Variants in KCNH7 observed in about 807,000 individuals in gnomAD.
KCNH7 encodes voltage-gated inwardly rectifying potassium channel KCNH7.
KCNH7 carries 49 observed loss-of-function variants against 120.8 expected under a neutral mutation model. That is an observed-to-expected ratio of 0.41 (90% CI 0.32 to 0.51). The LOEUF (loss-of-function observed/expected upper bound fraction) is 0.51, where lower values mean the gene tolerates loss of function less well. Among genes scored for constraint, KCNH7 ranks in the 20% least tolerant of loss-of-function variants. The pLI is 0.38. For synonymous variants in KCNH7, 547 were observed against 516.1 expected (o/e 1.06, Z -0.81); for missense variants, 1,097 against 1,446.6 (o/e 0.76, Z 3.92).
At chr2:162,791,002 T>C (rs917848642) in intron 2 of KCNH7, among the ~76,000 whole-genome samples, 1 of 152,134 alleles carries the variant, frequency 6.6e-6, no homozygotes, top group African/African-American at 2.4e-5. Flanking sequence ...ATAAAAAGCA[T>C]CTTCATTTGA....
In KCNH7 at chr2:162,384,700, G is replaced by A. The variant is rs1386960892; in HGVS notation, c.2950C>T (p.His984Tyr). ...AACTCTGGATTACCTTTGCAAGAGT[G>A]ACTTCTTTTATCTATGTGCATTCTT... The part of the protein sequence containing the change: ...SGRMHIDKRS[H>Y]SCKDITDMRS... The change falls in exon 13 of 16, where the codon CAC (histidine) becomes TAC (tyrosine). Residue 984 changes from histidine (H) to tyrosine (Y), a missense_variant. Around this residue, in one of 8 missense-constraint regions of KCNH7, gnomAD observed 406 missense variants for 410.5 expected, o/e 0.99. Transcript: ENST00000332142. The A allele has an allele frequency of 6.2e-7, 1 of 1,612,136 alleles. No homozygotes were observed. The highest frequency in any genetic ancestry group is 1.3e-5 in the African/African-American group (1 of 74,822).
At chr2:162,633,494 T>G (rs762505237) in intron 2 of KCNH7, among the ~76,000 whole-genome samples, 6 of 151,988 alleles carry the variant, frequency 3.9e-5, no homozygotes, top group Non-Finnish European at 7.4e-5. Flanking sequence ...CTGTTAGTTG[T>G]TATCTATGTT....
In KCNH7 at chr2:162,702,117, T is replaced by C. The variant is rs541191613; in HGVS notation, c.307+134420A>G. The stretch of plus-strand genomic sequence containing the variant: ...AGGGAAATGCATGGAGAAAAAAATT[T>C]TTTCAAAATATTCGGTCCTTTTAAA... On this transcript the variant is annotated intron_variant, in intron 2 of 15. Transcript: ENST00000332142. 5.9e-4 allele frequency among the ~76,000 whole-genome samples: 90 copies of C among 152,208 alleles called. 1 individual carries two copies. Among genetic ancestry groups the C allele is most frequent in the African/African-American group, 2.1e-3 (88 of 41,536 alleles).
intron 1 of KCNH7, among the ~76,000 whole-genome samples, chr2:162,837,618 A>G (rs1406361125): frequency 6.6e-6 from 1 of 152,226 alleles, no homozygotes; most frequent in Non-Finnish European, 1.5e-5. Context: ...TATGGCATAC[A>G]AATGTATTAA....
intron 2 of KCNH7, among the ~76,000 whole-genome samples, chr2:162,539,456 G>T (rs1692229550): frequency 6.6e-6 from 1 of 151,986 alleles, no homozygotes; most frequent in Non-Finnish European, 1.5e-5. Flanking sequence ...AATATGTGGG[G>T]ATAGAGATCT....
intron 6 of KCNH7, among the ~76,000 whole-genome samples, chr2:162,481,097 CA>C (rs1197807412): frequency 6.6e-6 from 1 of 152,146 alleles, no homozygotes; most frequent in Non-Finnish European, 1.5e-5. Context: ...TTTCTGCTCA[CA>C]GATTGCCCCA....
chr2:162,806,962 C>T (rs1684559718), intron 2 of KCNH7, among the ~76,000 whole-genome samples: 1 of 151,192 alleles, frequency 6.6e-6, no homozygotes, highest in Non-Finnish European at 1.5e-5. Context: ...TGTTGGAAAT[C>T]ATTAAAATAA....
chr2:162,413,959 G>T (rs1026861082), intron 9 of KCNH7, among the ~76,000 whole-genome samples: 1 of 151,458 alleles, frequency 6.6e-6, no homozygotes, highest in East Asian at 1.9e-4. Context: ...GCTACGAATG[G>T]GCAATTCATA....
At chr2:162,778,148 G>A (rs1683324979) in intron 2 of KCNH7, among the ~76,000 whole-genome samples, 1 of 151,938 alleles carries the variant, frequency 6.6e-6, no homozygotes, top group South Asian at 2.1e-4. Flanking sequence ...TAAATCAAAG[G>A]AAAATGGGAA....
intron 2 of KCNH7, among the ~76,000 whole-genome samples, chr2:162,738,246 A>G (rs1350035317): frequency 6.6e-6 from 1 of 152,036 alleles, no homozygotes; most frequent in African/African-American, 2.4e-5. Flanking sequence ...GTGTGTATGT[A>G]TATACACATG....
intron 6 of KCNH7, among the ~76,000 whole-genome samples, chr2:162,469,969 G>A (rs557789554): frequency 2.0e-5 from 3 of 152,312 alleles, no homozygotes; most frequent in Admixed American, 6.5e-5. Flanking sequence ...TCGGCCTCCC[G>A]AGGTGCCGGG....
intron 11 of KCNH7, among the ~76,000 whole-genome samples, chr2:162,395,835 A>G (rs1427734043): frequency 1.3e-5 from 2 of 151,752 alleles, no homozygotes; most frequent in Non-Finnish European, 3.0e-5. Flanking sequence ...CTATAACTAC[A>G]GCAAGTGTTA....
intron 2 of KCNH7, among the ~76,000 whole-genome samples, chr2:162,574,439 T>G (rs771512502): frequency 6.6e-6 from 1 of 152,026 alleles, no homozygotes; most frequent in Non-Finnish European, 1.5e-5. Context: ...ATTATATACC[T>G]GTTAGTTGGC....
At chr2:162,659,858 T>C (rs1317689635) in intron 2 of KCNH7, among the ~76,000 whole-genome samples, 1 of 152,176 alleles carries the variant, frequency 6.6e-6, no homozygotes, top group Non-Finnish European at 1.5e-5. Context: ...TAGAGAATTG[T>C]TATAATTTCT....
At chr2:162,595,030 C>A (rs1445476465) in intron 2 of KCNH7, among the ~76,000 whole-genome samples, 2 of 152,004 alleles carry the variant, frequency 1.3e-5, no homozygotes, top group Non-Finnish European at 2.9e-5. Context: ...CATTCTCACA[C>A]CCAAGACTGG....
In KCNH7 at chr2:162,456,370, C is replaced by T. The variant is rs535447349; in HGVS notation, c.1129-9927G>A. Among the ~76,000 whole-genome samples, 37 of 151,248 alleles carry T rather than the reference C, an allele frequency of 2.4e-4. No homozygotes were observed. The South Asian group carries it at 7.5e-3, about 31-fold the overall frequency. ...TACATTATACAAATTATAATTTATA[C>T]ATTCCTTATATAATTTCCATTCTTT... On this transcript the variant is annotated intron_variant, in intron 6 of 15. Coordinates refer to ENST00000332142, the MANE Select transcript of KCNH7 (RefSeq NM_033272.4).
intron 2 of KCNH7, among the ~76,000 whole-genome samples, chr2:162,760,786 T>G (rs954245219): frequency 6.6e-6 from 1 of 152,098 alleles, no homozygotes; most frequent in Non-Finnish European, 1.5e-5. Context: ...ATTTTCCCTC[T>G]AAAATATATG....
At chr2:162,471,421 T>G (rs1689524417) in intron 6 of KCNH7, among the ~76,000 whole-genome samples, 1 of 152,092 alleles carries the variant, frequency 6.6e-6, no homozygotes, top group Admixed American at 6.6e-5. Context: ...CTTGTGCTTG[T>G]GTGTGTGTAT....
chr2:162,528,997 A>C (rs1347220874), intron 3 of KCNH7, among the ~76,000 whole-genome samples: 1 of 151,926 alleles, frequency 6.6e-6, no homozygotes, highest in Non-Finnish European at 1.5e-5. Flanking sequence ...ATAATGTATG[A>C]AAAGGAAGAG....
Sources: gnomAD v4.1 joint callset for allele counts (sites outside exome capture counted in the v4.1 genomes callset) on GRCh38, gnomAD v4.1.1 for gene constraint, gnomAD v4.1.1 regional missense constraint, MANE v1.5 for transcripts, NCBI Gene and HGNC (gene_info 2026-07-23, HGNC 2026-07-21) for gene names.